ZNF385D: variants seen among roughly 807,000 people sequenced by gnomAD.
The protein encoded by ZNF385D is zinc finger protein 385D.
A neutral mutation model predicts 35.8 loss-of-function variants in ZNF385D; 15 were observed. The observed-to-expected ratio is 0.42, with a 90% CI of 0.28 to 0.64. ZNF385D has a LOEUF of 0.64. ZNF385D is among the 30% of genes least tolerant of loss of function. The pLI, the probability that ZNF385D is intolerant of heterozygous loss-of-function variation, is 0.23. For missense variants in ZNF385D, 474 were observed against 494.6 expected (o/e 0.96, Z 0.39); for synonymous variants, 212 against 186.8 (o/e 1.13, Z -1.10).
chr3:21,945,498 G>A (rs1435439524), intron 3 of ZNF385D, among the ~76,000 whole-genome samples: 1 of 152,036 alleles, frequency 6.6e-6, no homozygotes. Context: ...TTCAATTTCT[G>A]TAAAACAAAA....
At chr3:22,078,979 G>T (rs796211398) in intron 3 of ZNF385D, among the ~76,000 whole-genome samples, 1 of 151,950 alleles carries the variant, frequency 6.6e-6, no homozygotes, top group Non-Finnish European at 1.5e-5. Flanking sequence ...GATTATGTAT[G>T]CTTACCTTAA....
In ZNF385D at chr3:22,276,547, A is replaced by G. The variant is rs546179195; in HGVS notation, c.106+95903T>C. Among the ~76,000 whole-genome samples, 5 of 152,314 alleles carry G rather than the reference A, an allele frequency of 3.3e-5. No homozygotes were observed. The South Asian group carries it at 6.2e-4, about 19-fold the overall frequency. ...AGACAAGTTTTATACTTGAAAATTG[A>G]TGACGATGGCACATTTCTTGCTTGT... On this transcript the variant is annotated intron_variant, in intron 2 of 5. Transcript: ENST00000494108.
chr3:22,098,369 C>T (rs780108086), intron 3 of ZNF385D, among the ~76,000 whole-genome samples: 2 of 151,956 alleles, frequency 1.3e-5, no homozygotes, highest in Non-Finnish European at 2.9e-5. Context: ...ATTTAATGAA[C>T]ACAATTTTTT....
At chr3:21,721,756 G>C (rs923150408) in intron 1 of ZNF385D, among the ~76,000 whole-genome samples, 1 of 152,102 alleles carries the variant, frequency 6.6e-6, no homozygotes, top group Non-Finnish European at 1.5e-5. Flanking sequence ...ATGGAGTCTG[G>C]AGCCAAGCCT....
chr3:22,106,513 C>T (rs1267469852), intron 3 of ZNF385D, among the ~76,000 whole-genome samples: 1 of 152,128 alleles, frequency 6.6e-6, no homozygotes, highest in African/African-American at 2.4e-5. Flanking sequence ...AAAAGGTTTG[C>T]TGTCTTCTTT....
At chr3:21,791,700 T>C (rs2071932412) in intron 3 of ZNF385D, among the ~76,000 whole-genome samples, 1 of 152,208 alleles carries the variant, frequency 6.6e-6, no homozygotes, top group East Asian at 1.9e-4. Flanking sequence ...AAGTAATAGT[T>C]ACTCACAGTC....
At chr3:21,687,063 G>C in intron 1 of ZNF385D, among the ~76,000 whole-genome samples, 1 of 152,258 alleles carries the variant, frequency 6.6e-6, no homozygotes, top group East Asian at 1.9e-4. Context: ...TCCTGCCCTG[G>C]CTCTCTGGTA....
intron 1 of ZNF385D, among the ~76,000 whole-genome samples, chr3:21,719,991 A>G (rs751379318): frequency 6.6e-6 from 1 of 152,178 alleles, no homozygotes; most frequent in Non-Finnish European, 1.5e-5. Context: ...AAAAATAAGG[A>G]GAAAGAAAAG....
At chr3:22,143,217 C>T (rs902644950) in intron 3 of ZNF385D, among the ~76,000 whole-genome samples, 6 of 151,624 alleles carry the variant, frequency 4.0e-5, no homozygotes, top group African/African-American at 1.5e-4. Flanking sequence ...GGAGTAGCAG[C>T]GACTACAGGC....
In ZNF385D at chr3:21,725,372, C is replaced by CA. The variant is rs567917717; in HGVS notation, c.22+25522dup. 3.0e-4 allele frequency among the ~76,000 whole-genome samples: 45 copies of CA among 152,032 alleles called. 1 individual carries two copies. The South Asian group carries it at 9.1e-3, about 31-fold the overall frequency. Reference sequence around the variant, plus strand: ...GGAGATAGAAACACGAAAAACCCTTCAAAAAATCAATGAATCCAGGAGCTG... The same window carrying CA: ...GGAGATAGAAACACGAAAAACCCTTCAAAAAAATCAATGAATCCAGGAGCTG... On this transcript the variant is annotated intron_variant, in intron 1 of 7. Coordinates refer to ENST00000281523, the MANE Select transcript of ZNF385D (RefSeq NM_024697.3).
chr3:21,627,399 C>G (rs933544086), intron 2 of ZNF385D, among the ~76,000 whole-genome samples: 6 of 151,778 alleles, frequency 4.0e-5, no homozygotes, highest in African/African-American at 1.5e-4. Flanking sequence ...TACACTGGGT[C>G]CAGAACCTTG....
chr3:21,436,940 T>C, intron 5 of ZNF385D, 30 bp downstream of exon 5: 6 of 1,601,516 alleles, frequency 3.7e-6, no homozygotes, highest in Non-Finnish European at 4.3e-6. Flanking sequence ...GCAGAGCTGT[T>C]GAAACAAAAA....
At chr3:22,123,228 G>C (rs1467658086) in intron 3 of ZNF385D, among the ~76,000 whole-genome samples, 1 of 152,082 alleles carries the variant, frequency 6.6e-6, no homozygotes, top group African/African-American at 2.4e-5. Flanking sequence ...GGGGGAGACT[G>C]AATTACCAAG....
intron 2 of ZNF385D, among the ~76,000 whole-genome samples, chr3:22,234,806 A>G (rs2125303675): frequency 6.6e-6 from 1 of 152,134 alleles, no homozygotes; most frequent in African/African-American, 2.4e-5. Context: ...GGAGTACCAA[A>G]ATGGGCCTGT....
At chr3:21,770,778 A>G (rs927169161) in intron 3 of ZNF385D, among the ~76,000 whole-genome samples, 1 of 152,174 alleles carries the variant, frequency 6.6e-6, no homozygotes, top group African/African-American at 2.4e-5. Flanking sequence ...TGCTATAAAG[A>G]CACATGCACA....
intron 3 of ZNF385D, among the ~76,000 whole-genome samples, chr3:21,986,746 C>A (rs1029153802): frequency 8.3e-6 from 1 of 120,022 alleles, no homozygotes; most frequent in Admixed American, 8.1e-5. Flanking sequence ...TCTCGTTGAT[C>A]TGTCTAATGT....
At chr3:21,747,582 A>C (rs2069839334) in intron 1 of ZNF385D, among the ~76,000 whole-genome samples, 1 of 152,176 alleles carries the variant, frequency 6.6e-6, no homozygotes, top group Admixed American at 6.5e-5. Context: ...AGCAGTGGAG[A>C]AATGTGTCAG....
chr3:22,309,535 T>G (rs1703421507), intron 2 of ZNF385D, among the ~76,000 whole-genome samples: 1 of 152,036 alleles, frequency 6.6e-6, no homozygotes, highest in African/African-American at 2.4e-5. Context: ...ACTATTTAAA[T>G]ATATAAGAAA....
At chr3:22,198,404 T>C (rs1211652523) in intron 2 of ZNF385D, among the ~76,000 whole-genome samples, 1 of 152,088 alleles carries the variant, frequency 6.6e-6, no homozygotes, top group Non-Finnish European at 1.5e-5. Context: ...AATGATCTGG[T>C]ACTAAGCATT....
Sources: gnomAD v4.1 joint callset for allele counts (sites outside exome capture counted in the v4.1 genomes callset) on GRCh38, gnomAD v4.1.1 for gene constraint, MANE v1.5 for transcripts, NCBI Gene and HGNC (gene_info 2026-07-23, HGNC 2026-07-21) for gene names.